Variants in TMTC2 observed in about 807,000 individuals in gnomAD.
TMTC2 encodes the protein protein O-mannosyl-transferase TMTC2.
Under a neutral mutation model 82.4 loss-of-function variants are expected in TMTC2, and 43 were observed. The ratio of observed to expected loss-of-function variants is 0.52; its 90% CI spans 0.41 to 0.67. The LOEUF (loss-of-function observed/expected upper bound fraction) is 0.67, where lower values mean the gene tolerates loss of function less well. Among genes scored for constraint, TMTC2 ranks in the 30% least tolerant of loss-of-function variants. The pLI, the probability that TMTC2 is intolerant of heterozygous loss-of-function variation, is 0.00. For missense variants in TMTC2, 919 were observed against 1,012.4 expected, an observed-to-expected ratio of 0.91 and a Z score of 1.25; for synonymous variants, 408 against 381.9, an observed-to-expected ratio of 1.07 and a Z score of -0.80.
chr12:82,744,127 T>G (rs1320026795), intron 1 of TMTC2, among the ~76,000 whole-genome samples: 2 of 151,984 alleles, frequency 1.3e-5, no homozygotes, highest in Non-Finnish European at 2.9e-5. Flanking sequence ...AATATATATT[T>G]TTAAAAATTA....
chr12:82,877,391 C>T (rs2137149521), intron 2 of TMTC2, among the ~76,000 whole-genome samples: 1 of 152,180 alleles, frequency 6.6e-6, no homozygotes, highest in South Asian at 2.1e-4. Flanking sequence ...TATCAGTAAC[C>T]CCTTTGTTTA....
intron 11 of TMTC2, among the ~76,000 whole-genome samples, chr12:83,122,481 T>C (rs1317126753): frequency 6.6e-6 from 1 of 152,064 alleles, no homozygotes; most frequent in Admixed American, 6.5e-5. Context: ...ACCCAGCAAG[T>C]GTACAGAGCT....
At chr12:82,836,152 AT>A (rs1565771817) in intron 1 of TMTC2, among the ~76,000 whole-genome samples, 1 of 101,328 alleles carries the variant, frequency 9.9e-6, no homozygotes, top group East Asian at 2.4e-4. Context: ...AATAGCTTGT[AT>A]GCTTGTATAT....
intron 8 of TMTC2, among the ~76,000 whole-genome samples, chr12:83,020,767 A>G (rs895454038): frequency 2.0e-5 from 3 of 152,178 alleles, no homozygotes; most frequent in Admixed American, 6.5e-5. Flanking sequence ...TGTGTGGGTG[A>G]CTCCTTTAAG....
chr12:82,766,672 T>C (rs967690722), intron 1 of TMTC2, among the ~76,000 whole-genome samples: 1 of 152,272 alleles, frequency 6.6e-6, no homozygotes, highest in Non-Finnish European at 1.5e-5. Context: ...TTCAGATTAC[T>C]GTCCCTGTAT....
chr12:82,730,924 G>A lies in TMTC2; in HGVS notation c.83+43255G>A, dbSNP rs116288900. On this transcript the variant is annotated intron_variant, in intron 1 of 11. Transcript: ENST00000321196. ...AAGTATATAAGTCGTTTTGATTAAT[G>A]TGTTTGCACATGGAAAACTATTGGA... is the stretch of plus-strand genomic sequence containing the variant. 1.0e-3 allele frequency among the ~76,000 whole-genome samples: 154 copies of A among 152,254 alleles called. 1 individual carries two copies. Among genetic ancestry groups the A allele is most frequent in the African/African-American group, 3.5e-3 (146 of 41,560 alleles).
At chr12:82,923,569 A>G (rs1194762294) in intron 3 of TMTC2, among the ~76,000 whole-genome samples, 4 of 152,062 alleles carry the variant, frequency 2.6e-5, no homozygotes, top group African/African-American at 7.2e-5. Context: ...TCCATTCCAC[A>G]GATATATTCT....
In TMTC2 at chr12:82,754,690, T is replaced by C. The variant is rs536960442; in HGVS notation, c.83+67021T>C. Among the ~76,000 whole-genome samples, 4 of 152,216 alleles carry C rather than the reference T, an allele frequency of 2.6e-5. No individual in the cohort carries two copies. In the South Asian group the frequency reaches 8.3e-4, roughly 32 times the overall value. On this transcript the variant is annotated intron_variant, in intron 1 of 11. Coordinates refer to ENST00000321196, the MANE Select transcript of TMTC2 (RefSeq NM_152588.3). ...AGGCAGAGTTTGCAGTGAGCTGATATTGTGTCACTACCCTCCAGCCTGGGG... is the reference window on the plus strand; with the variant it reads ...AGGCAGAGTTTGCAGTGAGCTGATACTGTGTCACTACCCTCCAGCCTGGGG...
chr12:82,823,893 A>ATTT (rs1225145231), intron 1 of TMTC2, among the ~76,000 whole-genome samples: 38 of 136,296 alleles, frequency 2.8e-4, no homozygotes, highest in African/African-American at 9.8e-4. Context: ...CCATTATTCT[A>ATTT]TTTTTTTTTT....
At chr12:82,802,530 A>T (rs903692024) in intron 1 of TMTC2, among the ~76,000 whole-genome samples, 1 of 152,196 alleles carries the variant, frequency 6.6e-6, no homozygotes, top group African/African-American at 2.4e-5. Flanking sequence ...GTAATAAGGG[A>T]CATCAGGCAA....
intron 3 of TMTC2, among the ~76,000 whole-genome samples, chr12:82,917,208 G>A (rs1365817014): frequency 7.2e-5 from 11 of 152,072 alleles, no homozygotes; most frequent in Admixed American, 4.6e-4. Context: ...ATTCATGCTC[G>A]TTTTCAGTTC....
chr12:82,787,788 G>A (rs538690126), intron 1 of TMTC2, among the ~76,000 whole-genome samples: 7 of 152,114 alleles, frequency 4.6e-5, no homozygotes, highest in Admixed American at 2.0e-4. Flanking sequence ...GTGTGTGCCC[G>A]TAGTCCCAGC....
intron 1 of TMTC2, among the ~76,000 whole-genome samples, chr12:82,805,339 G>A (rs1879191331): frequency 6.6e-6 from 1 of 151,992 alleles, no homozygotes; most frequent in African/African-American, 2.4e-5. Context: ...CTTTATTACA[G>A]CTAGCAGATA....
chr12:82,771,352 A>G (rs757762473), intron 1 of TMTC2, among the ~76,000 whole-genome samples: 5 of 152,200 alleles, frequency 3.3e-5, no homozygotes, highest in Admixed American at 2.0e-4. Flanking sequence ...TTGGTCTTTC[A>G]ATTAAATAAG....
chr12:83,040,970 C>T (rs995869338), intron 9 of TMTC2, among the ~76,000 whole-genome samples: 1 of 152,058 alleles, frequency 6.6e-6, no homozygotes, highest in Non-Finnish European at 1.5e-5. Context: ...AGGCATGAGC[C>T]ACCGCACCAG....
intron 9 of TMTC2, among the ~76,000 whole-genome samples, chr12:83,040,340 T>C (rs1002800925): frequency 6.6e-6 from 1 of 152,140 alleles, no homozygotes; most frequent in Non-Finnish European, 1.5e-5. Context: ...TATGGAGGAC[T>C]GCTGGTGAAG....
At chr12:82,874,914 T>G (rs1397553091) in intron 2 of TMTC2, among the ~76,000 whole-genome samples, 1 of 152,188 alleles carries the variant, frequency 6.6e-6, no homozygotes, top group Non-Finnish European at 1.5e-5. Context: ...GAAATTAATT[T>G]TTTTAATTAT....
intron 7 of TMTC2, among the ~76,000 whole-genome samples, chr12:82,982,260 A>C (rs1878950487): frequency 6.6e-6 from 1 of 151,854 alleles, no homozygotes; most frequent in South Asian, 2.1e-4. Flanking sequence ...ATCATTCCTG[A>C]GCCTTTGTCT....
At chr12:82,996,857 A>G (rs1447011293) in intron 8 of TMTC2, among the ~76,000 whole-genome samples, 1 of 152,186 alleles carries the variant, frequency 6.6e-6, no homozygotes, top group Non-Finnish European at 1.5e-5. Context: ...TAAAAGAGAA[A>G]TAGACTTTCT....
Sources: allele counts gnomAD v4.1 joint callset (sites outside exome capture counted in the v4.1 genomes callset), GRCh38; gene constraint gnomAD v4.1.1; transcripts MANE v1.5; gene names NCBI Gene and HGNC (gene_info 2026-07-23, HGNC 2026-07-21).